Variants in PCBP3 observed in about 807,000 individuals in gnomAD.
PCBP3 encodes the protein poly(rC) binding protein 3, also known as poly(rC)-binding protein 3.
Under a neutral mutation model 52.7 loss-of-function variants are expected in PCBP3, and 25 were observed. That is an observed-to-expected ratio of 0.47 (90% confidence interval 0.35 to 0.66). The LOEUF (loss-of-function observed/expected upper bound fraction) is 0.66, where lower values mean the gene tolerates loss of function less well. Among genes scored for constraint, PCBP3 ranks in the 30% least tolerant of loss-of-function variants. The pLI, the probability that PCBP3 is intolerant of heterozygous loss-of-function variation, is 0.01. For synonymous variants in PCBP3, 162 were observed against 183.0 expected (o/e 0.89, Z 0.93); for missense variants, 391 against 490.3 (o/e 0.80, Z 1.91).
chr21:45,925,425 A>G (rs2075271474), intron 13 of PCBP3, among the ~76,000 whole-genome samples: 1 of 152,274 alleles, frequency 6.6e-6, no homozygotes, highest in African/African-American at 2.4e-5. Context: ...AAGCAGGACA[A>G]TTAGAAAACA....
chr21:45,825,072 C>T (rs2147529850), intron 4 of PCBP3, among the ~76,000 whole-genome samples: 1 of 152,330 alleles, frequency 6.6e-6, no homozygotes, highest in Non-Finnish European at 1.5e-5. Flanking sequence ...CAGGGGGCCT[C>T]AGCCCTGGCC....
rs369739361 is a variant in PCBP3, at chr21:45,849,944, G to A, written c.-125-17G>A. ...TGCACTGGTGCGCTCACACAGCCCT[G>A]TGTTTTTGTGTTTTAGGTCGGTAGG... On this transcript the variant is annotated splice_polypyrimidine_tract_variant and intron_variant, in intron 4 of 17. Transcript: ENST00000681687. 1 of 764,620 alleles carries A rather than the reference G, an allele frequency of 1.3e-6. No homozygotes were observed. Among genetic ancestry groups the A allele is most frequent in the Admixed American group, 2.0e-5 (1 of 48,868 alleles). 47.4% of individuals were successfully genotyped at this position (764,620 alleles called of 1,614,324 possible). A position where few individuals can be genotyped will look rare whatever the true frequency, so the allele number is the denominator to read the frequency against.
At chr21:45,762,529 A>C (rs2088810094) in intron 4 of PCBP3, 1 of 122,434 alleles carries the variant, frequency 8.2e-6, no homozygotes. Flanking sequence ...TCACTCTGTC[A>C]CCCAGGCTGG....
At chr21:45,785,572 G>A (rs1279690201) in intron 4 of PCBP3, among the ~76,000 whole-genome samples, 41 of 149,632 alleles carry the variant, frequency 2.7e-4, no homozygotes, top group Admixed American at 1.9e-3. Flanking sequence ...GCCTCTGCCC[G>A]GCCGCCCCTA....
chr21:45,675,559 CAG>C (rs1171061065), intron 2 of PCBP3, among the ~76,000 whole-genome samples: 1 of 152,164 alleles, frequency 6.6e-6, no homozygotes, highest in East Asian at 1.9e-4. Flanking sequence ...CTGGTTGGCT[CAG>C]GGCTGGGAGC....
chr21:45,670,698 G>T (rs1399868126), intron 2 of PCBP3, among the ~76,000 whole-genome samples: 1 of 152,126 alleles, frequency 6.6e-6, no homozygotes, highest in Non-Finnish European at 1.5e-5. Flanking sequence ...AAATTGAGGG[G>T]TGGTTTCTCA....
chr21:45,930,034 A>C (rs1221904901), intron 14 of PCBP3, 39 bp downstream of exon 14: 1 of 1,407,270 alleles, frequency 7.1e-7, no homozygotes, highest in Admixed American at 1.7e-5. Context: ...TTCTCTTCTC[A>C]CCTGGGGACT....
At chr21:45,773,228 T>G (rs1456233287) in intron 4 of PCBP3, among the ~76,000 whole-genome samples, 2 of 152,180 alleles carry the variant, frequency 1.3e-5, no homozygotes, top group African/African-American at 4.8e-5. Context: ...ATTTAAGTAT[T>G]TTTATAGTTT....
intron 4 of PCBP3, among the ~76,000 whole-genome samples, chr21:45,807,214 A>T (rs986274743): frequency 1.3e-5 from 2 of 152,238 alleles, no homozygotes. Context: ...AAGGAAATAA[A>T]GGATATTCAA....
intron 4 of PCBP3, among the ~76,000 whole-genome samples, chr21:45,823,646 G>T (rs2093215738): frequency 6.6e-6 from 1 of 152,096 alleles, no homozygotes; most frequent in Non-Finnish European, 1.5e-5. Flanking sequence ...GGCAGCTGTG[G>T]CAATTCAGGG....
At chr21:45,765,529 C>G (rs2089226024) in intron 4 of PCBP3, among the ~76,000 whole-genome samples, 1 of 152,236 alleles carries the variant, frequency 6.6e-6, no homozygotes, top group African/African-American at 2.4e-5. Context: ...TGCCAGACCC[C>G]AGGGTGCGCG....
chr21:45,658,725 C>T (rs541857520), intron 1 of PCBP3, among the ~76,000 whole-genome samples: 82 of 152,134 alleles, frequency 5.4e-4, no homozygotes, highest in African/African-American at 1.8e-3. Flanking sequence ...GGCAAGTGTC[C>T]GTTTCTCCTT....
At chr21:45,838,966 A>G (rs189674604) in intron 4 of PCBP3, among the ~76,000 whole-genome samples, 188 of 152,146 alleles carry the variant, frequency 1.2e-3, no homozygotes, top group African/African-American at 4.0e-3. Context: ...CTCTCCATTC[A>G]GTTCCCTTCC....
rs191494387 is a variant in PCBP3 at position 45,655,524 on chromosome 21, A to G, written c.-279+11656A>G. On this transcript the variant is annotated intron_variant, in intron 1 of 17. Coordinates refer to ENST00000681687, the MANE Select transcript of PCBP3 (RefSeq NM_001384156.1). Reference sequence around the variant, plus strand: ...TAGCATTTCTGTAGTGACTGATGGTATTCAGCCCTTTTTATGTACTGCTTA... The same window carrying G: ...TAGCATTTCTGTAGTGACTGATGGTGTTCAGCCCTTTTTATGTACTGCTTA... Among the ~76,000 whole-genome samples, 11 of 152,268 alleles carry G rather than the reference A, an allele frequency of 7.2e-5. No homozygotes were observed. The East Asian group carries it at 1.9e-3, about 27-fold the overall frequency.
chr21:45,846,951 AG>A (rs1478188574), intron 4 of PCBP3, among the ~76,000 whole-genome samples: 1 of 152,270 alleles, frequency 6.6e-6, no homozygotes, highest in Non-Finnish European at 1.5e-5. Flanking sequence ...AATTTTTCAC[AG>A]GGCCAAAACC....
At chr21:45,660,161 A>T (rs1441458826) in intron 1 of PCBP3, among the ~76,000 whole-genome samples, 1 of 151,882 alleles carries the variant, frequency 6.6e-6, no homozygotes, top group African/African-American at 2.4e-5. Flanking sequence ...ATATATATGT[A>T]TATATATGTA....
At position 45,913,919 on chromosome 21, in the gene PCBP3, G is replaced by A. The variant is rs372920269; in HGVS notation, c.601-32G>A. 7.5e-5 allele frequency: 119 copies of A among 1,587,296 alleles called. No homozygotes were observed. The African/African-American group carries it at 1.2e-3, about 15-fold the overall frequency. ...TGCCAGGCTGCGAAGCTGCTCTAAC[G>A]CTCTCTCTCCCTCTCCTGTCCCTTT... On this transcript the variant is annotated intron_variant, in intron 11 of 17. Coordinates refer to ENST00000681687, the MANE Select transcript of PCBP3 (RefSeq NM_001384156.1).
At position 45,689,339 on chromosome 21, in the gene PCBP3, A is replaced by G. The variant is rs192611689; in HGVS notation, c.-200+20387A>G. 3.6e-4 allele frequency among the ~76,000 whole-genome samples: 55 copies of G among 152,230 alleles called. No homozygotes were observed. In the East Asian group the frequency reaches 9.8e-3, roughly 27 times the overall value. On this transcript the variant is annotated intron_variant, in intron 2 of 17. Coordinates refer to ENST00000681687, the MANE Select transcript of PCBP3 (RefSeq NM_001384156.1). The stretch of plus-strand genomic sequence containing the variant: ...ATTAACAATAAAAAAATACTCTCCT[A>G]TGATCACCTCAATACATGCAGGTAA...
rs774570063 is a variant in PCBP3 at position 45,941,689 on chromosome 21, G to A, written c.1099G>A (p.Gly367Arg). The A allele has an allele frequency of 8.1e-6, 13 of 1,606,182 alleles. No individual in the cohort carries two copies. The highest frequency in any genetic ancestry group is 4.0e-5 in the African/African-American group (3 of 74,598). ...INARLTSEVT[G>R]MGTL The stretch of plus-strand genomic sequence containing the variant: ...TTCCAGGCTGACGTCCGAGGTCACC[G>A]GGATGGGCACGCTGTAATCCTACCC... Residue 367 changes from glycine (G) to arginine (R), a missense_variant, in exon 18 of 18, where the codon GGG becomes AGG. Physicochemically the swap from Gly to Arg is moderately radical, Grantham distance 125 (BLOSUM62 -2). Coordinates refer to ENST00000681687, the MANE Select transcript of PCBP3 (RefSeq NM_001384156.1).
Sources: allele counts gnomAD v4.1 joint callset (sites outside exome capture counted in the v4.1 genomes callset), GRCh38; gene constraint gnomAD v4.1.1; transcripts MANE v1.5; gene names NCBI Gene and HGNC (gene_info 2026-07-23, HGNC 2026-07-21).